Variants in POU2F1 observed in about 807,000 individuals in gnomAD.
POU2F1 encodes the protein POU domain, class 2, transcription factor 1.
A neutral mutation model predicts 84.9 loss-of-function variants in POU2F1; 16 were observed. That is an observed-to-expected ratio of 0.19 (90% confidence interval 0.13 to 0.29). The LOEUF is 0.29. Among genes scored for constraint, POU2F1 ranks in the 10% least tolerant of loss-of-function variants. The pLI is 1.00. For synonymous variants in POU2F1, 368 were observed against 368.3 expected, an observed-to-expected ratio of 1.00 and a Z score of 0.01; for missense variants, 738 against 942.6, an observed-to-expected ratio of 0.78 and a Z score of 2.84.
chr1:167,291,014 C>T (rs1172522569), intron 1 of POU2F1, among the ~76,000 whole-genome samples: 2 of 149,514 alleles, frequency 1.3e-5, no homozygotes, highest in South Asian at 2.1e-4. Flanking sequence ...CCACTGCACC[C>T]GGCCTGGGTT....
At chr1:167,284,681 GATTATATTT>G in intron 1 of POU2F1, among the ~76,000 whole-genome samples, 1 of 152,118 alleles carries the variant, frequency 6.6e-6, no homozygotes. Flanking sequence ...GTCAATATTA[GATTATATTT>G]TTCCTCTTCA....
intron 1 of POU2F1, among the ~76,000 whole-genome samples, chr1:167,222,601 C>T (rs970583002): frequency 1.3e-5 from 2 of 152,092 alleles, no homozygotes; most frequent in Non-Finnish European, 2.9e-5. Context: ...ATGTTCTCTG[C>T]TGCTTGATTT....
intron 1 of POU2F1, among the ~76,000 whole-genome samples, chr1:167,280,069 C>T (rs1439496723): frequency 1.3e-5 from 2 of 151,754 alleles, no homozygotes; most frequent in African/African-American, 4.8e-5. Context: ...AGCCAGGCGC[C>T]TGTAATCTCA....
chr1:167,338,430 C>T (rs1488562532), intron 2 of POU2F1, among the ~76,000 whole-genome samples: 1 of 152,120 alleles, frequency 6.6e-6, no homozygotes, highest in African/African-American at 2.4e-5. Flanking sequence ...ATGTTACATG[C>T]AGATTTTCAA....
intron 1 of POU2F1, among the ~76,000 whole-genome samples, chr1:167,269,235 T>A (rs1652188736): frequency 6.6e-6 from 1 of 152,250 alleles, no homozygotes; most frequent in African/African-American, 2.4e-5. Flanking sequence ...AAATTTCATT[T>A]TCTACAAACT....
At chr1:167,414,539 A>G (rs1650182123) in intron 15 of POU2F1, 1 of 985,338 alleles carries the variant, frequency 1.0e-6, no homozygotes, top group Admixed American at 6.1e-5. Context: ...ATATGGCTAG[A>G]GAGATTTAGG....
At position 167,423,901 on chromosome 1, in the gene POU2F1, TG is replaced by T. The variant is rs1309355791; in HGVS notation, c.*8092del. ...AGCTGGATACAGCGCTGTGTATAAA[TG>T]AGACGTCCAAACACTTGAGTTTCTT... On this transcript the variant is annotated 3_prime_UTR_variant, in exon 16 of 16. Transcript: ENST00000367866. 3.3e-5 allele frequency: 5 copies of T among 152,236 alleles called. No individual in the cohort carries two copies. The highest frequency in any genetic ancestry group is 1.2e-4 in the African/African-American group (5 of 41,462). The allele number at this position is 152,236 out of a possible 1,614,324, so 9.4% of individuals were successfully genotyped here. A position where few individuals can be genotyped will look rare whatever the true frequency, so the allele number is the denominator to read the frequency against.
At chr1:167,393,827 A>G (rs1272273098) in intron 9 of POU2F1, among the ~76,000 whole-genome samples, 1 of 152,168 alleles carries the variant, frequency 6.6e-6, no homozygotes, top group Non-Finnish European at 1.5e-5. Flanking sequence ...TCTAACTGCT[A>G]CATAAGTTTA....
intron 9 of POU2F1, among the ~76,000 whole-genome samples, chr1:167,390,079 C>G (rs1213899761): frequency 1.3e-5 from 2 of 152,182 alleles, no homozygotes; most frequent in Non-Finnish European, 2.9e-5. Flanking sequence ...AGGACTTGAG[C>G]ATCAGTGGAT....
intron 7 of POU2F1, among the ~76,000 whole-genome samples, chr1:167,378,345 C>T (rs1007741648): frequency 6.6e-6 from 1 of 152,030 alleles, no homozygotes; most frequent in Admixed American, 6.6e-5. Context: ...AAGCAATTCT[C>T]CTGCCTCGGC....
chr1:167,412,051 T>C lies in POU2F1; in HGVS notation c.1648T>C (p.Ser550Pro). 1 of 1,614,086 alleles carries C rather than the reference T, an allele frequency of 6.2e-7. No homozygotes were observed. Among genetic ancestry groups the C allele is most frequent in the Non-Finnish European group, 8.5e-7 (1 of 1,179,988 alleles). Residue 550 changes from serine to proline, a missense_variant, in exon 14 of 16, where the codon TCC becomes CCC. By Grantham distance (74) the Ser-to-Pro change is moderately conservative. This residue lies in a region of POU2F1 where 319 missense variants were observed against 386.0 expected (regional missense o/e 0.83). Transcript: ENST00000367866. ...AGTCACGTCCCCCTCTCTGAGTCCCTCCCCTTCTGCCTCAGCCTCCACCTC... is the reference window on the plus strand; with the variant it reads ...AGTCACGTCCCCCTCTCTGAGTCCCCCCCCTTCTGCCTCAGCCTCCACCTC... ...SAVTSPSLSP[S>P]PSASASTSEA...
chr1:167,267,627 T>C (rs1652061437), intron 1 of POU2F1, among the ~76,000 whole-genome samples: 1 of 123,556 alleles, frequency 8.1e-6, no homozygotes, highest in Non-Finnish European at 1.6e-5. Flanking sequence ...ACAGTTACTG[T>C]GTCTTTTTTT....
chr1:167,363,673 T>C (rs546227505), intron 2 of POU2F1, among the ~76,000 whole-genome samples: 2 of 152,376 alleles, frequency 1.3e-5, no homozygotes, highest in South Asian at 4.1e-4. Context: ...TTAATTTTAC[T>C]AACTGTATAT....
rs572527811 is a variant in POU2F1 at position 167,316,716 on chromosome 1, A to G, written c.62-15754A>G. On this transcript the variant is annotated intron_variant, in intron 1 of 15. Transcript: ENST00000367866. The stretch of plus-strand genomic sequence containing the variant: ...TCTGGAAGCCTGAGTGTAACAGATA[A>G]AGAGAGAAAACATAAATTACCAGTA... 1.1e-4 allele frequency among the ~76,000 whole-genome samples: 17 copies of G among 152,254 alleles called. No individual in the cohort carries two copies. In the South Asian group the frequency reaches 3.3e-3, roughly 30 times the overall value.
chr1:167,392,491 G>C (rs529248345), intron 9 of POU2F1, among the ~76,000 whole-genome samples: 5 of 152,298 alleles, frequency 3.3e-5, no homozygotes, highest in African/African-American at 1.2e-4. Context: ...AGCATACTCT[G>C]GGGTTCCCTG....
At chr1:167,267,630 CTTTTTTTTTTTTT>C (rs71073658) in intron 1 of POU2F1, among the ~76,000 whole-genome samples, 4 of 70,464 alleles carry the variant, frequency 5.7e-5, no homozygotes, top group Admixed American at 2.3e-4. Flanking sequence ...GTTACTGTGT[CTTTTTTTTTTTTT>C]TTTTTTTTTT....
chr1:167,290,261 G>A (rs1366476902), intron 1 of POU2F1, among the ~76,000 whole-genome samples: 1 of 152,066 alleles, frequency 6.6e-6, no homozygotes, highest in African/African-American at 2.4e-5. Context: ...TGTGGTGGTG[G>A]TGGTGTGCGC....
At chr1:167,399,968 C>CTCTT in intron 12 of POU2F1, among the ~76,000 whole-genome samples, 1 of 61,376 alleles carries the variant, frequency 1.6e-5, no homozygotes, top group Admixed American at 2.7e-4. Flanking sequence ...CATTCCCAGT[C>CTCTT]TTTTTTTTTT....
chr1:167,237,027 C>G (rs1222609206), intron 1 of POU2F1, among the ~76,000 whole-genome samples: 3 of 152,090 alleles, frequency 2.0e-5, no homozygotes, highest in Non-Finnish European at 4.4e-5. Context: ...ACCTAACCTC[C>G]TAGCAAGCTT....
Sources: gnomAD v4.1 joint callset for allele counts (sites outside exome capture counted in the v4.1 genomes callset) on GRCh38, gnomAD v4.1.1 for gene constraint, gnomAD v4.1.1 regional missense constraint, MANE v1.5 for transcripts, NCBI Gene and HGNC (gene_info 2026-07-23, HGNC 2026-07-21) for gene names.